Variants in WWC2 observed in about 807,000 individuals in gnomAD.
WWC2 encodes protein WWC2.
In WWC2, 101 loss-of-function variants were observed where a neutral mutation model predicts 138.5. That is an observed-to-expected ratio of 0.73 (90% CI 0.62 to 0.86). The LOEUF (loss-of-function observed/expected upper bound fraction) is 0.86. Ranked by LOEUF, WWC2 falls within the 40% of genes least tolerant of loss-of-function variation. The pLI, the probability that WWC2 is intolerant of heterozygous loss-of-function variation, is 0.00. For missense variants in WWC2, 1,420 were observed against 1,419.4 expected (o/e 1.00, Z -0.01); for synonymous variants, 558 against 538.4 (o/e 1.04, Z -0.50).
chr4:183,233,283 A>G (rs1736314759), intron 4 of WWC2, among the ~76,000 whole-genome samples: 1 of 149,504 alleles, frequency 6.7e-6, no homozygotes, highest in Admixed American at 6.7e-5. Flanking sequence ...CTGCCTCCCA[A>G]ATAGCTGGGA....
intron 1 of WWC2, among the ~76,000 whole-genome samples, chr4:183,147,891 TTGTTC>T (rs1733508922): frequency 6.6e-6 from 1 of 152,218 alleles, no homozygotes; most frequent in Non-Finnish European, 1.5e-5. Flanking sequence ...CTAACATACT[TTGTTC>T]TGTTTCATTG....
At chr4:183,260,138 C>A (rs944403606) in intron 10 of WWC2, among the ~76,000 whole-genome samples, 1 of 151,416 alleles carries the variant, frequency 6.6e-6, no homozygotes, top group Admixed American at 6.6e-5. Flanking sequence ...TGTGTGACTT[C>A]TTTCTTTTTA....
rs535189281 is a variant in WWC2, at chr4:183,135,204, C to T, written c.131+35582C>T. ...AAAGTGCTGGGATTACCGGAGTGAG[C>T]GACCCCGCCTGGCTGATCTTTATCT... On this transcript the variant is annotated intron_variant, in intron 1 of 22. Coordinates refer to ENST00000403733, the MANE Select transcript of WWC2 (RefSeq NM_024949.6). Among the ~76,000 whole-genome samples the T allele has an allele frequency of 2.6e-5, 4 of 152,186 alleles. No homozygotes were observed. The South Asian group carries it at 6.2e-4, about 24-fold the overall frequency.
intron 1 of WWC2, among the ~76,000 whole-genome samples, chr4:183,177,623 C>CT (rs1271459853): frequency 6.6e-6 from 1 of 151,634 alleles, no homozygotes; most frequent in Non-Finnish European, 1.5e-5. Context: ...ATAATAGAAA[C>CT]TTGAATCTAA....
At chr4:183,298,875 T>C (rs1462046084) in intron 21 of WWC2, among the ~76,000 whole-genome samples, 1 of 152,194 alleles carries the variant, frequency 6.6e-6, no homozygotes, top group African/African-American at 2.4e-5. Context: ...TGCAGTACTT[T>C]GATAATTCTG....
intron 1 of WWC2, among the ~76,000 whole-genome samples, chr4:183,154,236 A>C (rs1733733013): frequency 6.6e-6 from 1 of 152,142 alleles, no homozygotes. Context: ...TCTGCCTTTC[A>C]CTGGCTGTGT....
At chr4:183,271,344 C>G in intron 16 of WWC2, 103 bp downstream of exon 16, 1 of 884,060 alleles carries the variant, frequency 1.1e-6, no homozygotes, top group South Asian at 3.7e-5. Context: ...GACCAACATG[C>G]TTTTATCACT....
chr4:183,300,341 C>CTTTTTT (rs763942652), intron 21 of WWC2, among the ~76,000 whole-genome samples: 1 of 136,248 alleles, frequency 7.3e-6, no homozygotes, highest in East Asian at 2.1e-4. Context: ...GCAGGAATTT[C>CTTTTTT]TTTTTTTTTT....
chr4:183,173,246 C>T (rs1354106134), intron 1 of WWC2, among the ~76,000 whole-genome samples: 1 of 151,996 alleles, frequency 6.6e-6, no homozygotes, highest in Non-Finnish European at 1.5e-5. Flanking sequence ...GAGGTGGGGT[C>T]TTGTTATGTT....
intron 1 of WWC2, 29 bp downstream of exon 1, chr4:183,099,651 C>T (rs774670704): frequency 1.6e-5 from 20 of 1,271,400 alleles, no homozygotes; most frequent in Non-Finnish European, 1.6e-5. Flanking sequence ...GGCGCGGGCC[C>T]GTTCGGACAC....
At chr4:183,249,495 T>C (rs1238578837) in intron 7 of WWC2, among the ~76,000 whole-genome samples, 11 of 152,188 alleles carry the variant, frequency 7.2e-5, no homozygotes, top group Non-Finnish European at 1.6e-4. Context: ...TGTTTGAAAA[T>C]TAATTTTTGA....
intron 12 of WWC2, 21 bp from the exon 13 acceptor site, chr4:183,265,667 A>C (rs1737477028): frequency 1.3e-6 from 2 of 1,598,002 alleles, no homozygotes. Flanking sequence ...TTAACTGTTC[A>C]TCTACTCCCT....
At chr4:183,100,109 G>T (rs904298910) in intron 1 of WWC2, among the ~76,000 whole-genome samples, 32 of 152,164 alleles carry the variant, frequency 2.1e-4, no homozygotes, top group Non-Finnish European at 4.4e-4. Context: ...GCCCAGACTG[G>T]CCGGAGGTCC....
intron 1 of WWC2, among the ~76,000 whole-genome samples, chr4:183,139,631 A>G (rs1189315111): frequency 1.3e-5 from 2 of 152,330 alleles, no homozygotes; most frequent in East Asian, 3.9e-4. Flanking sequence ...TGAGTGAGAA[A>G]TAAACTTTGC....
chr4:183,265,905 C>T lies in WWC2; in HGVS notation c.2161C>T (p.Gln721Ter), dbSNP rs1737489538. ...TTCAAGTTTCATGGTGATTATAGCA[C>T]AGCTCCGAAACCTTCATGCCTTCTT... ...KSSSFMVIIA[Q>*]LRNLHAFLIP... The change falls in exon 14 of 23, where the codon CAG becomes TAG. Residue 721 changes from glutamine (Q) to a stop codon, truncating the protein, a stop_gained. Coordinates refer to ENST00000403733, the MANE Select transcript of WWC2 (RefSeq NM_024949.6). LOFTEE classifies it high-confidence loss of function. 1 of 1,613,334 alleles carries T rather than the reference C, an allele frequency of 6.2e-7. No homozygotes were observed. Among genetic ancestry groups the T allele is most frequent in the South Asian group, 1.1e-5 (1 of 90,850 alleles).
At chr4:183,183,467 A>T (rs1283858906) in intron 1 of WWC2, among the ~76,000 whole-genome samples, 1 of 152,202 alleles carries the variant, frequency 6.6e-6, no homozygotes, top group African/African-American at 2.4e-5. Flanking sequence ...CATCCTCACC[A>T]GAGTGAGTTT....
chr4:183,309,852 A>G (rs1739150914), intron 21 of WWC2, among the ~76,000 whole-genome samples: 1 of 152,240 alleles, frequency 6.6e-6, no homozygotes, highest in Middle Eastern at 3.2e-3. Context: ...GTAAACTGGT[A>G]TATCCAGACA....
At chr4:183,165,218 C>G (rs545555211) in intron 1 of WWC2, among the ~76,000 whole-genome samples, 1 of 152,218 alleles carries the variant, frequency 6.6e-6, no homozygotes, top group Admixed American at 6.5e-5. Context: ...CCTCTTCTGA[C>G]TTGGAGTGTC....
chr4:183,206,180 G>A (rs1242167840), intron 2 of WWC2, among the ~76,000 whole-genome samples: 1 of 152,074 alleles, frequency 6.6e-6, no homozygotes, highest in Non-Finnish European at 1.5e-5. Context: ...TCACAATCCT[G>A]TACTACCTGT....
Sources: gnomAD v4.1 joint callset for allele counts (sites outside exome capture counted in the v4.1 genomes callset) on GRCh38, gnomAD v4.1.1 for gene constraint, MANE v1.5 for transcripts, NCBI Gene and HGNC (gene_info 2026-07-23, HGNC 2026-07-21) for gene names.